The following SPRED1 variants were observed in gnomAD, a reference collection of about 807,000 sequenced individuals.
SPRED1 encodes the protein sprouty-related, EVH1 domain-containing protein 1.
SPRED1 carries 18 observed loss-of-function variants against 52.3 expected under a neutral mutation model. The observed-to-expected ratio is 0.34, with a 90% CI of 0.24 to 0.51. The LOEUF is 0.51. Among genes scored for constraint, SPRED1 ranks in the 20% least tolerant of loss-of-function variants. The pLI is 0.97. For synonymous variants in SPRED1, 155 were observed against 179.7 expected (o/e 0.86, Z 1.10); for missense variants, 485 against 551.0 (o/e 0.88, Z 1.20).
chr15:38,262,308 T>C (rs1894222648), intron 1 of SPRED1, among the ~76,000 whole-genome samples: 1 of 152,172 alleles, frequency 6.6e-6, no homozygotes, highest in Admixed American at 6.5e-5. Flanking sequence ...ACAAGGGAAA[T>C]AGATACTTCT....
At chr15:38,288,089 A>G (rs1360368103) in intron 1 of SPRED1, among the ~76,000 whole-genome samples, 1 of 152,130 alleles carries the variant, frequency 6.6e-6, no homozygotes, top group South Asian at 2.1e-4. Flanking sequence ...TTGTAACAAT[A>G]TACCTGTTTT....
intron 1 of SPRED1, among the ~76,000 whole-genome samples, chr15:38,273,364 G>A (rs1282507532): frequency 6.6e-6 from 1 of 151,926 alleles, no homozygotes; most frequent in Non-Finnish European, 1.5e-5. Flanking sequence ...AATCTTAACT[G>A]TTTTTGATTC....
At chr15:38,345,818 T>A (rs1416180712) in intron 5 of SPRED1, among the ~76,000 whole-genome samples, 1 of 152,194 alleles carries the variant, frequency 6.6e-6, no homozygotes, top group Non-Finnish European at 1.5e-5. Flanking sequence ...TAAACAAGCC[T>A]GTCTCCAAAG....
chr15:38,320,113 T>C (rs576275187), intron 2 of SPRED1, among the ~76,000 whole-genome samples: 58 of 152,352 alleles, frequency 3.8e-4, no homozygotes, highest in African/African-American at 1.2e-3. Flanking sequence ...ATTTTATTTT[T>C]AATGCAATTT....
At position 38,356,237 on chromosome 15, in the gene SPRED1, GAA is replaced by G. The variant is rs1888617843; in HGVS notation, c.*4577_*4578del. On this transcript the variant is annotated 3_prime_UTR_variant, in exon 7 of 7. Coordinates refer to ENST00000299084, the MANE Select transcript of SPRED1 (RefSeq NM_152594.3). ...GACTGCATTCTTTCTAATGAACAAT[GAA>G]AAACTGTTTAACTCATGTCATAATG... 1 of 151,834 alleles carries G rather than the reference GAA, an allele frequency of 6.6e-6. No homozygotes were observed. Among genetic ancestry groups the G allele is most frequent in the Admixed American group, 6.6e-5 (1 of 15,250 alleles). 9.4% of individuals were successfully genotyped at this position (151,834 alleles called of 1,614,324 possible).
At chr15:38,270,780 C>G (rs1894416123) in intron 1 of SPRED1, among the ~76,000 whole-genome samples, 1 of 151,978 alleles carries the variant, frequency 6.6e-6, no homozygotes, top group South Asian at 2.1e-4. Context: ...TTTCTTAATA[C>G]TTGTTGAATT....
intron 2 of SPRED1, among the ~76,000 whole-genome samples, chr15:38,313,347 A>G (rs1464707795): frequency 6.6e-6 from 1 of 151,986 alleles, no homozygotes; most frequent in African/African-American, 2.4e-5. Context: ...AATGACATAG[A>G]CATATTTAAA....
intron 1 of SPRED1, among the ~76,000 whole-genome samples, chr15:38,284,135 AGTT>A (rs1272512360): frequency 6.6e-6 from 1 of 152,156 alleles, no homozygotes; most frequent in Non-Finnish European, 1.5e-5. Flanking sequence ...ATAAAACTGA[AGTT>A]GTACTATTTT....
intron 5 of SPRED1, among the ~76,000 whole-genome samples, chr15:38,342,888 G>T (rs993457463): frequency 4.6e-5 from 7 of 152,090 alleles, no homozygotes; most frequent in African/African-American, 1.7e-4. Flanking sequence ...AAAGACTGGA[G>T]ATAAATTTTG....
At chr15:38,327,158 C>T (rs535911139) in intron 4 of SPRED1, among the ~76,000 whole-genome samples, 2 of 152,258 alleles carry the variant, frequency 1.3e-5, no homozygotes, top group South Asian at 4.1e-4. Context: ...CAGGAAATTT[C>T]ATCTGTACCT....
chr15:38,340,860 C>T (rs1896014174), intron 5 of SPRED1, among the ~76,000 whole-genome samples: 1 of 152,106 alleles, frequency 6.6e-6, no homozygotes, highest in African/African-American at 2.4e-5. Flanking sequence ...TTGGGTGTTG[C>T]TATCAGGGTA....
intron 4 of SPRED1, among the ~76,000 whole-genome samples, chr15:38,333,903 C>A (rs931737693): frequency 6.6e-6 from 1 of 152,018 alleles, no homozygotes; most frequent in Non-Finnish European, 1.5e-5. Flanking sequence ...CAGACTCTGC[C>A]GCCTAGTAAC....
At chr15:38,276,824 A>G (rs16966601) in intron 1 of SPRED1, among the ~76,000 whole-genome samples, 7,524 of 152,250 alleles carry the variant, frequency 0.049, 320 homozygotes, top group African/African-American at 0.11. Flanking sequence ...TGATTTATGA[A>G]ACACTGTAGT....
chr15:38,257,950 G>C (rs182854144), intron 1 of SPRED1, among the ~76,000 whole-genome samples: 4 of 152,308 alleles, frequency 2.6e-5, no homozygotes, highest in African/African-American at 4.8e-5. Context: ...GTCTTACCCA[G>C]TTTGGGGAAA....
intron 2 of SPRED1, among the ~76,000 whole-genome samples, chr15:38,308,204 T>A (rs1196076330): frequency 6.6e-6 from 1 of 152,198 alleles, no homozygotes; most frequent in Non-Finnish European, 1.5e-5. Flanking sequence ...GAAATTTTTG[T>A]TGAGATAATT....
chr15:38,264,319 T>A (rs569688181), intron 1 of SPRED1, among the ~76,000 whole-genome samples: 1 of 152,340 alleles, frequency 6.6e-6, no homozygotes, highest in African/African-American at 2.4e-5. Flanking sequence ...TATACTTTAT[T>A]GACAGACTAG....
At chr15:38,340,498 T>C (rs1264266811) in intron 5 of SPRED1, among the ~76,000 whole-genome samples, 1 of 152,142 alleles carries the variant, frequency 6.6e-6, no homozygotes, top group Non-Finnish European at 1.5e-5. Flanking sequence ...TCTGCGCTTA[T>C]AAAAGAGATC....
intron 2 of SPRED1, among the ~76,000 whole-genome samples, chr15:38,320,444 T>C (rs1325974194): frequency 6.6e-6 from 1 of 152,148 alleles, no homozygotes; most frequent in Non-Finnish European, 1.5e-5. Flanking sequence ...CTTGAAAGCA[T>C]TGAAAAGACA....
At chr15:38,265,274 A>C (rs1894285700) in intron 1 of SPRED1, among the ~76,000 whole-genome samples, 1 of 152,104 alleles carries the variant, frequency 6.6e-6, no homozygotes, top group Non-Finnish European at 1.5e-5. Flanking sequence ...TCTGAATGTA[A>C]CCTCTCTCCC....
Sources: gnomAD v4.1 joint callset for allele counts (sites outside exome capture counted in the v4.1 genomes callset) on GRCh38, gnomAD v4.1.1 for gene constraint, MANE v1.5 for transcripts, NCBI Gene and HGNC (gene_info 2026-07-23, HGNC 2026-07-21) for gene names.